Variants in PTPRD observed in about 807,000 individuals in gnomAD.
The protein encoded by PTPRD is receptor-type tyrosine-protein phosphatase delta.
Under a neutral mutation model 214.5 loss-of-function variants are expected in PTPRD, and 34 were observed. The observed-to-expected ratio is 0.16, with a 90% CI of 0.12 to 0.21. The LOEUF is 0.21. PTPRD is among the 10% of genes least tolerant of loss of function. The probability of loss-of-function intolerance (pLI) is 1.00; values close to 1 mark genes in which losing one functional copy is unlikely to be tolerated. For missense variants in PTPRD, 2,545 were observed against 2,398.7 expected (o/e 1.06, Z -1.27); for synonymous variants, 1,128 against 845.7 (o/e 1.33, Z -5.79).
At chr9:8,592,297 T>A (rs146039020) in intron 14 of PTPRD, among the ~76,000 whole-genome samples, 1 of 152,256 alleles carries the variant, frequency 6.6e-6, no homozygotes, top group South Asian at 2.1e-4. Context: ...CAAACCTGAC[T>A]TGATCATGTA....
At chr9:9,045,936 G>T (rs745653569) in intron 10 of PTPRD, among the ~76,000 whole-genome samples, 23 of 152,120 alleles carry the variant, frequency 1.5e-4, no homozygotes, top group Non-Finnish European at 2.9e-4. Flanking sequence ...GCTGAGATCG[G>T]TTTATCCAGA....
At chr9:9,226,312 G>A (rs1032167485) in intron 9 of PTPRD, among the ~76,000 whole-genome samples, 1 of 151,758 alleles carries the variant, frequency 6.6e-6, no homozygotes, top group Non-Finnish European at 1.5e-5. Flanking sequence ...TTATTTGGAT[G>A]AAAAATCTAA....
intron 2 of PTPRD, among the ~76,000 whole-genome samples, chr9:10,358,119 A>T (rs1292618632): frequency 6.6e-6 from 1 of 152,100 alleles, no homozygotes; most frequent in East Asian, 1.9e-4. Flanking sequence ...TGATCTGATT[A>T]TCTAAGGTAT....
chr9:10,449,789 G>T (rs2098827569), intron 2 of PTPRD, among the ~76,000 whole-genome samples: 1 of 151,818 alleles, frequency 6.6e-6, no homozygotes, highest in African/African-American at 2.4e-5. Context: ...TGGCGGTTTT[G>T]TCGAATAGAA....
chr9:8,551,856 A>C (rs1340490389), intron 14 of PTPRD, among the ~76,000 whole-genome samples: 1 of 152,238 alleles, frequency 6.6e-6, no homozygotes. Context: ...CAAGCCTGGA[A>C]TAGATCAAAC....
intron 4 of PTPRD, among the ~76,000 whole-genome samples, chr9:10,030,516 C>T (rs2154130588): frequency 6.6e-6 from 1 of 152,110 alleles, no homozygotes; most frequent in South Asian, 2.1e-4. Flanking sequence ...TAGATGAGTT[C>T]TATCATGAAA....
chr9:9,227,946 G>C (rs892417739), intron 9 of PTPRD, among the ~76,000 whole-genome samples: 2 of 152,050 alleles, frequency 1.3e-5, no homozygotes, highest in Non-Finnish European at 2.9e-5. Context: ...ATAATATTTT[G>C]GTGGTAATTT....
intron 14 of PTPRD, among the ~76,000 whole-genome samples, chr9:8,553,449 T>C (rs1461511645): frequency 6.6e-6 from 1 of 152,204 alleles, no homozygotes; most frequent in Non-Finnish European, 1.5e-5. Flanking sequence ...GTTGAAGTAG[T>C]GGAATGCATT....
intron 11 of PTPRD, among the ~76,000 whole-genome samples, chr9:8,960,912 A>C (rs2099155195): frequency 6.6e-6 from 1 of 152,124 alleles, no homozygotes; most frequent in East Asian, 1.9e-4. Flanking sequence ...ATCATTAATA[A>C]ATCTATTCAT....
intron 12 of PTPRD, among the ~76,000 whole-genome samples, chr9:8,672,932 C>G (rs1441503244): frequency 6.6e-6 from 1 of 151,962 alleles, no homozygotes; most frequent in East Asian, 1.9e-4. Context: ...CAATTAAAAA[C>G]AGTAGACACA....
chr9:9,657,756 G>C (rs10977917), intron 7 of PTPRD, among the ~76,000 whole-genome samples: 1 of 152,120 alleles, frequency 6.6e-6, no homozygotes, highest in East Asian at 1.9e-4. Flanking sequence ...GACCCACAAG[G>C]CTTGCCACAT....
intron 3 of PTPRD, among the ~76,000 whole-genome samples, chr9:10,245,185 C>G (rs540179449): frequency 1.1e-4 from 17 of 152,148 alleles, no homozygotes; most frequent in Non-Finnish European, 2.1e-4. Context: ...TAGATTCCAA[C>G]ATACCCTGGA....
At chr9:9,102,849 A>G (rs967297951) in intron 10 of PTPRD, among the ~76,000 whole-genome samples, 1 of 152,230 alleles carries the variant, frequency 6.6e-6, no homozygotes, top group African/African-American at 2.4e-5. Flanking sequence ...CAAAATAACA[A>G]CAAAAGCAAA....
intron 8 of PTPRD, among the ~76,000 whole-genome samples, chr9:9,485,213 A>C (rs1187566742): frequency 6.6e-6 from 1 of 152,158 alleles, no homozygotes; most frequent in Non-Finnish European, 1.5e-5. Context: ...ATTATGGGTA[A>C]AAAAATTGAA....
At position 9,008,226 on chromosome 9, in the gene PTPRD, T is replaced by TTTATTTATTTATTTAG. The variant is rs1458876068; in HGVS notation, c.-104+10470_-104+10471insCTAAATAAATAAATAA. Among the ~76,000 whole-genome samples, 17 of 145,900 alleles carry TTTATTTATTTATTTAG rather than the reference T, an allele frequency of 1.2e-4. No individual in the cohort carries two copies. In the East Asian group the frequency reaches 3.3e-3, roughly 28 times the overall value. On this transcript the variant is annotated intron_variant, in intron 11 of 45. Coordinates refer to ENST00000381196, the MANE Select transcript of PTPRD (RefSeq NM_002839.4). ...TTCATTTTATTTATTTATTTATTTATTTATTTATTTATTTATTTTTGAGAC... is the reference window on the plus strand; with the variant it reads ...TTCATTTTATTTATTTATTTATTTATTTATTTATTTATTTAGTTATTTATTTATTTATTTTTGAGAC...
chr9:8,442,498 T>C (rs924093076), intron 34 of PTPRD, among the ~76,000 whole-genome samples: 22 of 152,290 alleles, frequency 1.4e-4, no homozygotes, highest in Non-Finnish European at 2.9e-4. Flanking sequence ...TAACAGTCTC[T>C]TCATGATTTT....
At chr9:8,468,093 C>A (rs978956441) in intron 31 of PTPRD, among the ~76,000 whole-genome samples, 1 of 151,980 alleles carries the variant, frequency 6.6e-6, no homozygotes, top group African/African-American at 2.4e-5. Context: ...GCTAGGGTTT[C>A]TTTAGAAGAC....
At position 10,033,807 on chromosome 9, in the gene PTPRD, G is replaced by C. The variant is rs945866808; in HGVS notation, c.-544-17C>G. ...AAGATTTCCCTGAAAGGAAAAGTGA[G>C]AGATCGCTTTAATTCACATTCTCTG... On this transcript the variant is annotated splice_polypyrimidine_tract_variant and intron_variant, in intron 3 of 45. Coordinates refer to ENST00000381196, the MANE Select transcript of PTPRD (RefSeq NM_002839.4). 6.6e-6 allele frequency: 1 copy of C among 152,084 alleles called. No homozygotes were observed. Among genetic ancestry groups the C allele is most frequent in the African/African-American group, 2.4e-5 (1 of 41,440 alleles). The allele number at this position is 152,084 out of a possible 1,614,324, so 9.4% of individuals were successfully genotyped here.
At chr9:8,989,943 CAG>C (rs1336597960) in intron 11 of PTPRD, among the ~76,000 whole-genome samples, 4 of 152,114 alleles carry the variant, frequency 2.6e-5, no homozygotes, top group Non-Finnish European at 5.9e-5. Context: ...AATATTTACT[CAG>C]ACAGTTCTCT....
Sources: allele counts gnomAD v4.1 joint callset (sites outside exome capture counted in the v4.1 genomes callset), GRCh38; gene constraint gnomAD v4.1.1; transcripts MANE v1.5; gene names NCBI Gene and HGNC (gene_info 2026-07-23, HGNC 2026-07-21).